The following ALK variants were observed in gnomAD, a reference collection of about 807,000 sequenced individuals.
The protein encoded by ALK is ALK receptor tyrosine kinase.
ALK carries 74 observed loss-of-function variants against 163.1 expected under a neutral mutation model. The ratio of observed to expected loss-of-function variants is 0.45; its 90% confidence interval spans 0.38 to 0.55. The LOEUF (loss-of-function observed/expected upper bound fraction) is 0.55, where lower values mean the gene tolerates loss of function less well. Ranked by LOEUF, ALK falls within the 20% of genes least tolerant of loss-of-function variation. The pLI, the probability that ALK is intolerant of heterozygous loss-of-function variation, is 0.00. For missense variants in ALK, 2,063 were observed against 2,105.3 expected, an observed-to-expected ratio of 0.98 and a Z score of 0.39; for synonymous variants, 960 against 843.2, an observed-to-expected ratio of 1.14 and a Z score of -2.40.
intron 24 of ALK, among the ~76,000 whole-genome samples, chr2:29,211,347 C>T (rs200158395): frequency 1.3e-5 from 2 of 151,466 alleles, no homozygotes; most frequent in African/African-American, 2.4e-5. Context: ...AGAAATATAG[C>T]AAAGTAGACC....
At chr2:29,592,162 G>T (rs1675078303) in intron 3 of ALK, among the ~76,000 whole-genome samples, 1 of 152,116 alleles carries the variant, frequency 6.6e-6, no homozygotes, top group Non-Finnish European at 1.5e-5. Context: ...GGGGTACTCA[G>T]CGGGTCCCAG....
chr2:29,686,513 C>T (rs942544447), intron 3 of ALK, among the ~76,000 whole-genome samples: 2 of 152,168 alleles, frequency 1.3e-5, no homozygotes, highest in Admixed American at 1.3e-4. Flanking sequence ...CAGGAAATGG[C>T]CTTATTGACC....
intron 1 of ALK, among the ~76,000 whole-genome samples, chr2:29,805,347 T>A (rs535635397): frequency 6.6e-6 from 1 of 152,306 alleles, no homozygotes; most frequent in South Asian, 2.1e-4. Flanking sequence ...ACATGCAGAT[T>A]TGTTACATAG....
At chr2:29,464,793 C>T (rs924971232) in intron 4 of ALK, among the ~76,000 whole-genome samples, 2 of 152,108 alleles carry the variant, frequency 1.3e-5, no homozygotes, top group African/African-American at 4.8e-5. Context: ...CACAGGACAG[C>T]TCCCCCAACA....
intron 1 of ALK, among the ~76,000 whole-genome samples, chr2:29,870,078 T>C (rs1572453945): frequency 6.6e-6 from 1 of 152,208 alleles, no homozygotes; most frequent in African/African-American, 2.4e-5. Flanking sequence ...GTATACATTT[T>C]TTTAAAAGTT....
At chr2:29,502,200 C>A (rs896036797) in intron 4 of ALK, among the ~76,000 whole-genome samples, 1 of 152,160 alleles carries the variant, frequency 6.6e-6, no homozygotes, top group African/African-American at 2.4e-5. Flanking sequence ...ATGCAGCACC[C>A]TTAGTAACGA....
intron 5 of ALK, among the ~76,000 whole-genome samples, chr2:29,339,342 C>T (rs1275411122): frequency 2.6e-5 from 4 of 151,766 alleles, no homozygotes; most frequent in Admixed American, 6.6e-5. Context: ...TGTGGAGGAG[C>T]GGAAACTGCA....
chr2:29,680,521 T>G (rs1471689983), intron 3 of ALK, among the ~76,000 whole-genome samples: 2 of 152,098 alleles, frequency 1.3e-5, no homozygotes, highest in African/African-American at 2.4e-5. Context: ...AGATTTTCCA[T>G]TTTGGTTTCT....
At chr2:29,825,369 C>T (rs1665168103) in intron 1 of ALK, among the ~76,000 whole-genome samples, 1 of 152,114 alleles carries the variant, frequency 6.6e-6, no homozygotes, top group African/African-American at 2.4e-5. Context: ...TAACAACAAG[C>T]AAGATGAGTA....
rs779794415 is a variant in ALK at position 29,920,306 on chromosome 2, T to A, written c.354A>T (p.Ala118=). ...GCACCCTGGACAGCGTCCGGGCCTC[T>A]GCCGGGGCTGGTGAACCGGCGGTCC... ...VSWTAGSPAP[A]EARTLSRVLK... Residue 118 remains alanine (A), a synonymous_variant, in exon 1 of 29, where the codon GCA becomes GCT. Transcript: ENST00000389048. 3.9e-5 allele frequency: 61 copies of A among 1,560,780 alleles called. No individual in the cohort carries two copies. Among genetic ancestry groups the A allele is most frequent in the Non-Finnish European group, 4.7e-5 (54 of 1,153,928 alleles).
intron 4 of ALK, among the ~76,000 whole-genome samples, chr2:29,488,485 G>T (rs973660793): frequency 6.6e-6 from 1 of 152,170 alleles, no homozygotes; most frequent in Non-Finnish European, 1.5e-5. Context: ...TCCCTGGCAT[G>T]ACTGATGGCA....
intron 1 of ALK, among the ~76,000 whole-genome samples, chr2:29,860,911 A>C (rs1456786758): frequency 1.3e-5 from 2 of 152,182 alleles, no homozygotes; most frequent in Non-Finnish European, 2.9e-5. Flanking sequence ...TCTACATTAA[A>C]AAAGAAGAAA....
intron 3 of ALK, among the ~76,000 whole-genome samples, chr2:29,656,655 G>T (rs1440308560): frequency 5.9e-5 from 9 of 152,252 alleles, no homozygotes. Context: ...ACACAAAGAA[G>T]TTAGATGTCC....
At chr2:29,656,889 G>T (rs1381769272) in intron 3 of ALK, among the ~76,000 whole-genome samples, 1 of 152,110 alleles carries the variant, frequency 6.6e-6, no homozygotes, top group South Asian at 2.1e-4. Context: ...AAAAAAAACT[G>T]TTCAAAGAAC....
chr2:29,414,365 C>T (rs948290554), intron 4 of ALK, among the ~76,000 whole-genome samples: 7 of 152,156 alleles, frequency 4.6e-5, no homozygotes, highest in Admixed American at 2.0e-4. Context: ...ACAGGCAAAA[C>T]GGACCCAGAA....
intron 4 of ALK, among the ~76,000 whole-genome samples, chr2:29,508,657 T>C (rs183166914): frequency 7.2e-6 from 1 of 139,310 alleles, no homozygotes; most frequent in Non-Finnish European, 1.5e-5. Context: ...GTAACTAACC[T>C]GCATGTTGTG....
intron 7 of ALK, among the ~76,000 whole-genome samples, chr2:29,318,868 C>T (rs1018357058): frequency 6.6e-6 from 1 of 152,142 alleles, no homozygotes; most frequent in African/African-American, 2.4e-5. Flanking sequence ...GCCTGGCCAA[C>T]AATTTCATTC....
At chr2:29,233,812 T>C in intron 13 of ALK, 116 bp from the exon 14 acceptor site, 1 of 1,420,672 alleles carries the variant, frequency 7.0e-7, no homozygotes, top group East Asian at 2.3e-5. Flanking sequence ...AAACTTACAG[T>C]TGAGTTGAGG....
At chr2:29,641,266 G>A (rs1046758952) in intron 3 of ALK, among the ~76,000 whole-genome samples, 2 of 152,134 alleles carry the variant, frequency 1.3e-5, no homozygotes, top group Admixed American at 1.3e-4. Flanking sequence ...GGTGACAAGA[G>A]TGGAGTCAGG....
Sources: gnomAD v4.1 joint callset for allele counts (sites outside exome capture counted in the v4.1 genomes callset) on GRCh38, gnomAD v4.1.1 for gene constraint, MANE v1.5 for transcripts, NCBI Gene and HGNC (gene_info 2026-07-23, HGNC 2026-07-21) for gene names.